Variants in CACNB2 observed in about 807,000 individuals in gnomAD.
CACNB2 encodes voltage-dependent L-type calcium channel subunit beta-2.
A neutral mutation model predicts 73.3 loss-of-function variants in CACNB2; 42 were observed. The ratio of observed to expected loss-of-function variants is 0.57; its 90% confidence interval spans 0.45 to 0.74. The LOEUF is 0.74. Among genes scored for constraint, CACNB2 ranks in the 30% least tolerant of loss-of-function variants. The pLI, the probability that CACNB2 is intolerant of heterozygous loss-of-function variation, is 0.00. For synonymous variants in CACNB2, 348 were observed against 310.3 expected (o/e 1.12, Z -1.28); for missense variants, 940 against 853.0 (o/e 1.10, Z -1.27).
At chr10:18,279,704 A>T (rs765644433) in intron 2 of CACNB2, among the ~76,000 whole-genome samples, 1 of 152,248 alleles carries the variant, frequency 6.6e-6, no homozygotes, top group Non-Finnish European at 1.5e-5. Flanking sequence ...CCTGTTAGAA[A>T]TACTCAGCTT....
chr10:18,539,488 G>GCCTCACACCGTGACCACAACC lies in CACNB2; in HGVS notation c.1748_1768dup (p.Asn589_His590insProSerHisArgAspHisAsn). ...TTCCCATGACCACGTGGACCACTATGCCTCACACCGTGACCACAACCACAG... is the reference window on the plus strand; with the variant it reads ...TTCCCATGACCACGTGGACCACTATGCCTCACACCGTGACCACAACCCCTCACACCGTGACCACAACCACAG... On this transcript the variant is annotated inframe_insertion, in exon 14 of 14. Coordinates refer to ENST00000324631, the MANE Select transcript of CACNB2 (RefSeq NM_201596.3). 1.2e-6 allele frequency: 2 copies of GCCTCACACCGTGACCACAACC among 1,613,946 alleles called. No individual in the cohort carries two copies. Among genetic ancestry groups the GCCTCACACCGTGACCACAACC allele is most frequent in the Non-Finnish European group, 1.7e-6 (2 of 1,179,984 alleles).
chr10:18,191,335 C>T (rs2034385081), intron 2 of CACNB2, among the ~76,000 whole-genome samples: 1 of 152,166 alleles, frequency 6.6e-6, no homozygotes. Flanking sequence ...AACTTGACAC[C>T]AGCTGCCCCC....
intron 3 of CACNB2, among the ~76,000 whole-genome samples, chr10:18,482,579 C>T (rs746520146): frequency 3.1e-4 from 47 of 152,136 alleles, no homozygotes; most frequent in Non-Finnish European, 5.1e-4. Flanking sequence ...GGCATGATCA[C>T]GGTTCACTGC....
At chr10:18,278,849 C>G (rs1310223958) in intron 2 of CACNB2, among the ~76,000 whole-genome samples, 2 of 152,038 alleles carry the variant, frequency 1.3e-5, no homozygotes, top group Admixed American at 1.3e-4. Flanking sequence ...GACCCCTACT[C>G]TACAAAAAAT....
chr10:18,284,061 TA>T (rs534904608), intron 2 of CACNB2, among the ~76,000 whole-genome samples: 7 of 151,288 alleles, frequency 4.6e-5, no homozygotes, highest in East Asian at 3.9e-4. Context: ...ATTAAAACCT[TA>T]AAAAAAATAA....
intron 2 of CACNB2, among the ~76,000 whole-genome samples, chr10:18,275,148 C>A (rs1015951048): frequency 2.0e-5 from 3 of 152,208 alleles, no homozygotes. Flanking sequence ...TTCACTCTGA[C>A]AGCTGTGCTC....
intron 2 of CACNB2, among the ~76,000 whole-genome samples, chr10:18,303,910 T>C (rs972557748): frequency 3.3e-5 from 5 of 152,182 alleles, no homozygotes; most frequent in Non-Finnish European, 5.9e-5. Flanking sequence ...TTATATGAGA[T>C]TAAAATTTAT....
intron 6 of CACNB2, among the ~76,000 whole-genome samples, chr10:18,507,127 G>A (rs1385771123): frequency 2.0e-5 from 3 of 152,130 alleles, no homozygotes; most frequent in Non-Finnish European, 4.4e-5. Flanking sequence ...TAGTTCCTGC[G>A]ATGGTGCTTG....
chr10:18,400,449 C>G (rs751119408), intron 2 of CACNB2: 2 of 330,426 alleles, frequency 6.1e-6, no homozygotes, highest in Non-Finnish European at 8.7e-6. Flanking sequence ...GTTTACACTT[C>G]GGATGTAAAA....
chr10:18,510,391 C>T (rs2050702496), intron 6 of CACNB2, among the ~76,000 whole-genome samples: 1 of 152,156 alleles, frequency 6.6e-6, no homozygotes, highest in Non-Finnish European at 1.5e-5. Flanking sequence ...AAGCCTCCAT[C>T]TCCCAGGTTC....
At chr10:18,333,020 C>A (rs1287603260) in intron 2 of CACNB2, among the ~76,000 whole-genome samples, 6 of 152,112 alleles carry the variant, frequency 3.9e-5, no homozygotes, top group African/African-American at 9.7e-5. Flanking sequence ...CACCAAAATA[C>A]CCTTTCCTCC....
At chr10:18,170,101 T>C (rs2033125451) in intron 2 of CACNB2, among the ~76,000 whole-genome samples, 1 of 152,212 alleles carries the variant, frequency 6.6e-6, no homozygotes, top group Admixed American at 6.5e-5. Context: ...CATGAACTAA[T>C]CACTGAGGCT....
At chr10:18,220,948 C>G (rs1246851254) in intron 2 of CACNB2, among the ~76,000 whole-genome samples, 1 of 152,154 alleles carries the variant, frequency 6.6e-6, no homozygotes, top group Non-Finnish European at 1.5e-5. Flanking sequence ...GTAGAGGGCC[C>G]TAAATGGATG....
intron 3 of CACNB2, among the ~76,000 whole-genome samples, chr10:18,410,541 T>C (rs1266857385): frequency 2.0e-5 from 3 of 152,158 alleles, no homozygotes; most frequent in Non-Finnish European, 4.4e-5. Flanking sequence ...TAAAAATATG[T>C]CTTATTGTGA....
Position 18,455,419 on chromosome 10 carries a change from T to C in CACNB2, c.334-42936T>C, listed in dbSNP as rs538333934. Among the ~76,000 whole-genome samples the C allele has an allele frequency of 2.0e-4, 30 of 152,322 alleles. No homozygotes were observed. In the East Asian group the frequency reaches 5.8e-3, roughly 29 times the overall value. On this transcript the variant is annotated intron_variant, in intron 3 of 13. Coordinates refer to ENST00000324631, the MANE Select transcript of CACNB2 (RefSeq NM_201596.3). Reference sequence around the variant, plus strand: ...AGCTGTGTTTGAAGATTCCTGGAGATAAGAAAACATTTTCAGAGAAAGAGT... The same window carrying C: ...AGCTGTGTTTGAAGATTCCTGGAGACAAGAAAACATTTTCAGAGAAAGAGT...
chr10:18,219,036 G>A (rs1268923384), intron 2 of CACNB2, among the ~76,000 whole-genome samples: 2 of 152,092 alleles, frequency 1.3e-5, no homozygotes, highest in African/African-American at 4.8e-5. Flanking sequence ...GTAATGGTGT[G>A]CACCTGTGGT....
chr10:18,152,740 C>CAGAACAAAA (rs2031699870), intron 2 of CACNB2, among the ~76,000 whole-genome samples: 1 of 97,464 alleles, frequency 1.0e-5, no homozygotes, highest in Non-Finnish European at 2.0e-5. Context: ...AAACAAAAAA[C>CAGAACAAAA]AAAACACTAG....
chr10:18,440,695 G>T (rs995491930), intron 3 of CACNB2, among the ~76,000 whole-genome samples: 1 of 152,128 alleles, frequency 6.6e-6, no homozygotes, highest in African/African-American at 2.4e-5. Flanking sequence ...AATTGTGAAT[G>T]GAGTGAGAAT....
rs11013763 is a variant in CACNB2 at position 18,349,046 on chromosome 10, G to A, written c.214-52878G>A. Among the ~76,000 whole-genome samples the A allele has an allele frequency of 8.3e-3, 1,265 of 152,288 alleles. 22 individuals carry two copies. The highest frequency in any genetic ancestry group is 0.028 in the African/African-American group (1,183 of 41,562). On this transcript the variant is annotated intron_variant, in intron 2 of 13. Coordinates refer to ENST00000324631, the MANE Select transcript of CACNB2 (RefSeq NM_201596.3). ...TGAGGTGAGAGATCACTTGACTCCC[G>A]GAAGTTGAGGCTGCAGTGAGCTGTG... is the stretch of plus-strand genomic sequence containing the variant.
Sources: gnomAD v4.1 joint callset for allele counts (sites outside exome capture counted in the v4.1 genomes callset) on GRCh38, gnomAD v4.1.1 for gene constraint, MANE v1.5 for transcripts, NCBI Gene and HGNC (gene_info 2026-07-23, HGNC 2026-07-21) for gene names.